Variants in NKD1 observed in about 807,000 individuals in gnomAD.
The protein encoded by NKD1 is protein naked cuticle homolog 1.
Under a neutral mutation model 56.0 loss-of-function variants are expected in NKD1, and 21 were observed. That is an observed-to-expected ratio of 0.38 (90% CI 0.27 to 0.54). The LOEUF is 0.54. Among genes scored for constraint, NKD1 ranks in the 20% least tolerant of loss-of-function variants. The pLI is 0.82. For synonymous variants in NKD1, 263 were observed against 265.7 expected (o/e 0.99, Z 0.10); for missense variants, 578 against 642.7 (o/e 0.90, Z 1.09).
chr16:50,594,975 G>T (rs116022049), intron 3 of NKD1, among the ~76,000 whole-genome samples: 26 of 152,190 alleles, frequency 1.7e-4, no homozygotes. Flanking sequence ...TTCCCCAAAC[G>T]TCCTGGGCCC....
rs933521685 is a variant in NKD1, at chr16:50,628,304, C to T, written c.463-1882C>T. On this transcript the variant is annotated intron_variant, in intron 6 of 9. Transcript: ENST00000268459. ...TCAACTGAGCTGAGCGGCCGTGCCT[C>T]CCAGGACAGGGTCAGCGCCTCTGTC... 2.6e-5 allele frequency among the ~76,000 whole-genome samples: 4 copies of T among 152,210 alleles called. No homozygotes were observed. In the East Asian group the frequency reaches 5.8e-4, roughly 22 times the overall value.
At chr16:50,622,569 A>G (rs1339518742) in intron 5 of NKD1, among the ~76,000 whole-genome samples, 1 of 152,310 alleles carries the variant, frequency 6.6e-6, no homozygotes, top group East Asian at 1.9e-4. Flanking sequence ...AATCCTGGCT[A>G]TACACTTAGT....
intron 3 of NKD1, among the ~76,000 whole-genome samples, chr16:50,567,516 T>C (rs1163355324): frequency 1.3e-5 from 2 of 152,206 alleles, no homozygotes; most frequent in Non-Finnish European, 2.9e-5. Context: ...TCTAGGTGTC[T>C]TGGAGTTAGT....
chr16:50,557,358 A>G (rs1953657404), intron 3 of NKD1: 1 of 152,236 alleles, frequency 6.6e-6, no homozygotes, highest in Non-Finnish European at 1.5e-5. Flanking sequence ...GAGGACTAGG[A>G]CATAGTTCTT....
intron 3 of NKD1, chr16:50,558,825 C>T (rs1351359918): frequency 6.6e-6 from 1 of 152,144 alleles, no homozygotes; most frequent in Non-Finnish European, 1.5e-5. Flanking sequence ...AGGAGAATTC[C>T]TTGAACCCGG....
intron 3 of NKD1, among the ~76,000 whole-genome samples, chr16:50,568,669 TGG>T (rs1160226382): frequency 6.6e-6 from 1 of 152,168 alleles, no homozygotes; most frequent in African/African-American, 2.4e-5. Flanking sequence ...GTTTGAAATC[TGG>T]GCCTCCTTAG....
rs2151284973 is a variant in NKD1 at position 50,649,193 on chromosome 16, T to G, written c.*15412T>G. On this transcript the variant is annotated 3_prime_UTR_variant, in exon 10 of 10. Coordinates refer to ENST00000268459, the MANE Select transcript of NKD1 (RefSeq NM_033119.5). ...TGGTACATGGGACCTGACTGGGCTT[T>G]GTTTGCAACTTTCTGATAATTTATA... is the stretch of plus-strand genomic sequence containing the variant. 6.6e-6 allele frequency: 1 copy of G among 152,352 alleles called. No homozygotes were observed. Among genetic ancestry groups the G allele is most frequent in the Admixed American group, 6.5e-5 (1 of 15,304 alleles). 9.4% of individuals were successfully genotyped at this position (152,352 alleles called of 1,614,324 possible).
intron 3 of NKD1, among the ~76,000 whole-genome samples, chr16:50,550,366 T>G (rs1406713795): frequency 1.3e-5 from 2 of 152,086 alleles, no homozygotes; most frequent in Non-Finnish European, 2.9e-5. Flanking sequence ...TTTTTTTTTT[T>G]TTTTTAACTT....
At chr16:50,610,822 G>T (rs1961830345) in intron 4 of NKD1, among the ~76,000 whole-genome samples, 1 of 152,208 alleles carries the variant, frequency 6.6e-6, no homozygotes, top group Admixed American at 6.5e-5. Flanking sequence ...TTAAGGCTGG[G>T]CTTGGTGGGC....
rs1032135952 is a variant in NKD1 at position 50,643,876 on chromosome 16, A to G, written c.*10095A>G. 26 of 152,270 alleles carry G rather than the reference A, an allele frequency of 1.7e-4. No individual in the cohort carries two copies. Among genetic ancestry groups the G allele is most frequent in the African/African-American group, 6.3e-4 (26 of 41,472 alleles). 9.4% of individuals were successfully genotyped at this position (152,270 alleles called of 1,614,324 possible). On this transcript the variant is annotated 3_prime_UTR_variant, in exon 10 of 10. Coordinates refer to ENST00000268459, the MANE Select transcript of NKD1 (RefSeq NM_033119.5). ...AGCACACATATTTTCTCTGCAAGGCATATCAGAGCCTTCTGTGCTTAAGAG... is the reference window on the plus strand; with the variant it reads ...AGCACACATATTTTCTCTGCAAGGCGTATCAGAGCCTTCTGTGCTTAAGAG...
chr16:50,569,622 T>C (rs1960838616), intron 3 of NKD1, among the ~76,000 whole-genome samples: 2 of 152,172 alleles, frequency 1.3e-5, no homozygotes, highest in African/African-American at 2.4e-5. Flanking sequence ...ATAGAACCCA[T>C]ATCCCAGGAT....
At position 50,633,075 on chromosome 16, in the gene NKD1, G is replaced by A; in HGVS notation, c.824-117G>A. On this transcript the variant is annotated intron_variant, in intron 9 of 9. Coordinates refer to ENST00000268459, the MANE Select transcript of NKD1 (RefSeq NM_033119.5). The surrounding 1 kb of genome is among the most constrained non-coding windows in gnomAD (Gnocchi z 4.9). Reference sequence around the variant, plus strand: ...CTGCAAGGCAGTGAGGGGCAGTCAGGGCATTGGGGGGTAGCTCTGGTTTTG... The same window carrying A: ...CTGCAAGGCAGTGAGGGGCAGTCAGAGCATTGGGGGGTAGCTCTGGTTTTG... 2 of 902,218 alleles carry A rather than the reference G, an allele frequency of 2.2e-6. No homozygotes were observed. 55.9% of individuals were successfully genotyped at this position (902,218 alleles called of 1,614,324 possible).
chr16:50,587,442 T>C, intron 3 of NKD1, among the ~76,000 whole-genome samples: 1 of 152,228 alleles, frequency 6.6e-6, no homozygotes, highest in South Asian at 2.1e-4. Flanking sequence ...ATACTTCTAT[T>C]AACATAGCCC....
intron 7 of NKD1, 151 bp from the exon 8 acceptor site, chr16:50,630,675 G>A: frequency 1.5e-6 from 1 of 648,312 alleles, no homozygotes; most frequent in Non-Finnish European, 2.6e-6. Flanking sequence ...ATGTGTCCAG[G>A]GCAGGTAGCC....
chr16:50,548,857 C>G, intron 2 of NKD1, 108 bp downstream of exon 2: 1 of 1,215,858 alleles, frequency 8.2e-7, no homozygotes. Flanking sequence ...CCCCGAAGCC[C>G]CAGTTCCGGC....
chr16:50,604,232 C>A (rs1961657318), intron 3 of NKD1, among the ~76,000 whole-genome samples: 2 of 152,208 alleles, frequency 1.3e-5, no homozygotes, highest in East Asian at 1.9e-4. Flanking sequence ...TTGGGCAAGT[C>A]ACTTAACCTC....
rs1962396810 is a variant in NKD1, at chr16:50,633,534, C to A, written c.1166C>A (p.Ala389Asp). The change falls in exon 10 of 10, where the codon GCC becomes GAC. Residue 389 changes from alanine to aspartate, a missense_variant. Physicochemically the swap from Ala to Asp is moderately radical, Grantham distance 126 (BLOSUM62 -2). Coordinates refer to ENST00000268459, the MANE Select transcript of NKD1 (RefSeq NM_033119.5). This position sits in a 1 kb window ranked among gnomAD's most constrained non-coding sequence, Gnocchi z 4.9. ...SPSAHLAASP[A>D]LLPSLAPLGH... ...TCCGCCCACCTGGCTGCCAGCCCGG[C>A]CCTCCTCCCCTCCCTAGCCCCCCTC... The A allele has an allele frequency of 1.2e-6, 2 of 1,610,612 alleles. No homozygotes were observed. Among genetic ancestry groups the A allele is most frequent in the Middle Eastern group, 1.7e-4 (1 of 6,050 alleles).
chr16:50,563,110 C>A (rs564595023), intron 3 of NKD1, among the ~76,000 whole-genome samples: 18 of 152,052 alleles, frequency 1.2e-4, no homozygotes, highest in African/African-American at 4.1e-4. Flanking sequence ...CCTCTGGGAA[C>A]CTGTGGCTTA....
At chr16:50,576,494 G>A (rs1287643346) in intron 3 of NKD1, among the ~76,000 whole-genome samples, 3 of 152,306 alleles carry the variant, frequency 2.0e-5, no homozygotes, top group South Asian at 2.1e-4. Context: ...CTTTTGTTAT[G>A]TTTCTGATTA....
Sources: allele counts gnomAD v4.1 joint callset (sites outside exome capture counted in the v4.1 genomes callset), GRCh38; gene constraint gnomAD v4.1.1; non-coding constraint Gnocchi (gnomAD v3.1); transcripts MANE v1.5; gene names NCBI Gene and HGNC (gene_info 2026-07-23, HGNC 2026-07-21).